CHIT1: variants seen among roughly 807,000 people sequenced by gnomAD.
The protein encoded by CHIT1 is chitinase 1.
Under a neutral mutation model 52.0 loss-of-function variants are expected in CHIT1, and 47 were observed. The observed-to-expected ratio is 0.90, with a 90% CI of 0.71 to 1.15. The LOEUF (loss-of-function observed/expected upper bound fraction) is 1.15, where lower values mean the gene tolerates loss of function less well. CHIT1 is among the 50% of genes most tolerant of loss of function. The pLI is 0.00. For synonymous variants in CHIT1, 242 were observed against 228.2 expected (o/e 1.06, Z -0.54); for missense variants, 569 against 583.0 (o/e 0.98, Z 0.25).
intron 2 of CHIT1, 89 bp downstream of exon 2, chr1:203,228,444 T>C: frequency 7.3e-7 from 1 of 1,363,594 alleles, no homozygotes; most frequent in Non-Finnish European, 1.0e-6. Context: ...AATCTGGAGC[T>C]CTTGGGGAGG....
intron 7 of CHIT1, among the ~76,000 whole-genome samples, chr1:203,220,623 C>A (rs376869229): frequency 1.6e-4 from 24 of 152,310 alleles, no homozygotes; most frequent in African/African-American, 5.5e-4. Context: ...TTCACTTTCC[C>A]CCAGAAGCTG....
At position 203,223,190 on chromosome 1, in the gene CHIT1, C is replaced by A. The variant is rs1442904242; in HGVS notation, c.550G>T (p.Val184Phe). 1.9e-6 allele frequency: 3 copies of A among 1,614,224 alleles called. No individual in the cohort carries two copies. The highest frequency in any genetic ancestry group is 1.3e-5 in the African/African-American group (1 of 75,062). ...GKERLLLSAA[V>F]PAGQTYVDAG... is the part of the protein sequence containing the mutation. ...TCCACATAGGTCTGCCCAGCTGGAA[C>A]CGCTGCACTCAGAAGAAGGCGTTCC... is the stretch of plus-strand genomic sequence containing the variant. Residue 184 changes from valine to phenylalanine, a missense_variant, in exon 6 of 11, where the codon GTT becomes TTT. Val to Phe is a conservative substitution (Grantham distance 50, BLOSUM62 -1). Coordinates refer to ENST00000367229, the MANE Select transcript of CHIT1 (RefSeq NM_003465.3).
At chr1:203,229,007 G>A (rs1036386754) in intron 1 of CHIT1, among the ~76,000 whole-genome samples, 4 of 152,188 alleles carry the variant, frequency 2.6e-5, no homozygotes, top group African/African-American at 4.8e-5. Context: ...TGCTCCCATC[G>A]TTTATGGCTT....
intron 8 of CHIT1, 25 bp from the exon 9 acceptor site, chr1:203,219,354 GGGA>G: frequency 3.9e-6 from 5 of 1,273,068 alleles, no homozygotes; most frequent in Non-Finnish European, 5.8e-6. Context: ...GGCAGCACTG[GGGA>G]GGAGGAGGGA....
intron 7 of CHIT1, among the ~76,000 whole-genome samples, chr1:203,220,132 C>T (rs1002608156): frequency 3.9e-5 from 6 of 152,180 alleles, no homozygotes; most frequent in South Asian, 2.1e-4. Context: ...GTGTGCCAGG[C>T]GCTGTCCATG....
rs1235576816 is a variant in CHIT1 at position 203,216,370 on chromosome 1, C to A, written c.*519G>T. The A allele has an allele frequency of 4.4e-6, 2 of 454,118 alleles. No homozygotes were observed. Among genetic ancestry groups the A allele is most frequent in the Non-Finnish European group, 8.8e-6 (2 of 226,818 alleles). 28.1% of individuals were successfully genotyped at this position (454,118 alleles called of 1,614,324 possible). A position where few individuals can be genotyped will look rare whatever the true frequency, so the allele number is the denominator to read the frequency against. ...AGAGCGCTTAAATCAGGGAAAAGTT[C>A]TTCTCTGCTGCCATCTAGTGGCATT... On this transcript the variant is annotated 3_prime_UTR_variant, in exon 11 of 11. Coordinates refer to ENST00000367229, the MANE Select transcript of CHIT1 (RefSeq NM_003465.3).
intron 9 of CHIT1, 91 bp downstream of exon 9, chr1:203,219,125 C>T: frequency 1.3e-6 from 1 of 789,694 alleles, no homozygotes; most frequent in Admixed American, 1.7e-5. Flanking sequence ...AAAGGAGACT[C>T]ACCCTTGAGG....
chr1:203,216,093 C>G lies in CHIT1; in HGVS notation c.*796G>C. 1 of 453,496 alleles carries G rather than the reference C, an allele frequency of 2.2e-6. No homozygotes were observed. The highest frequency in any genetic ancestry group is 4.4e-6 in the Non-Finnish European group (1 of 226,224). The allele number at this position is 453,496 out of a possible 1,614,324, so 28.1% of individuals were successfully genotyped here. ...AAAGCAGCCAGGAATGTTGGGATGA[C>G]TTTATTTAACCAGGACACCGTGTGC... On this transcript the variant is annotated 3_prime_UTR_variant, in exon 11 of 11. Transcript: ENST00000367229.
At chr1:203,223,084 G>A (rs754535566) in intron 6 of CHIT1, 51 bp downstream of exon 6, 2 of 1,611,228 alleles carry the variant, frequency 1.2e-6, no homozygotes, top group South Asian at 2.2e-5. Flanking sequence ...TCTGCCCTTG[G>A]CCTCTCTTCC....
upstream of CHIT1, chr1:203,229,766 G>GGT: frequency 9.9e-7 from 1 of 1,014,076 alleles, no homozygotes; most frequent in Non-Finnish European, 1.5e-6. Context: ...GGGGGGATGG[G>GGT]AGCAGGGTGG....
intron 4 of CHIT1, among the ~76,000 whole-genome samples, chr1:203,224,798 C>A (rs189039124): frequency 1.3e-5 from 2 of 152,306 alleles, no homozygotes; most frequent in African/African-American, 4.8e-5. Context: ...TCTGAGCCCT[C>A]TGCTGTGTTT....
intron 7 of CHIT1, among the ~76,000 whole-genome samples, chr1:203,221,652 TAA>T (rs1656739992): frequency 6.6e-6 from 1 of 151,964 alleles, no homozygotes; most frequent in South Asian, 2.1e-4. Context: ...TAAAAAAAAT[TAA>T]AAGTGTCTTG....
chr1:203,229,088 C>T (rs1001335585), intron 1 of CHIT1, among the ~76,000 whole-genome samples: 1 of 152,138 alleles, frequency 6.6e-6, no homozygotes, highest in African/African-American at 2.4e-5. Context: ...TGACAGGACT[C>T]CTTCGAAGAG....
At chr1:203,224,334 C>T (rs1656849354) in intron 4 of CHIT1, among the ~76,000 whole-genome samples, 1 of 152,098 alleles carries the variant, frequency 6.6e-6, no homozygotes, top group African/African-American at 2.4e-5. Context: ...CAGATTGATC[C>T]TATTTTATTT....
chr1:203,223,331 A>T (rs1053339558), intron 5 of CHIT1, 72 bp from the exon 6 acceptor site: 1 of 1,612,196 alleles, frequency 6.2e-7, no homozygotes, highest in Admixed American at 1.7e-5. Flanking sequence ...CCCCAGGTAG[A>T]TGTTCACTTG....
intron 7 of CHIT1, among the ~76,000 whole-genome samples, chr1:203,221,677 G>A (rs556892582): frequency 1.2e-4 from 19 of 152,126 alleles, no homozygotes; most frequent in Non-Finnish European, 1.9e-4. Flanking sequence ...TGCTCAATGA[G>A]GAAAAGTTAG....
At chr1:203,222,401 C>A (rs1003949146) in intron 6 of CHIT1, 76 bp from the exon 7 acceptor site, 5 of 1,606,178 alleles carry the variant, frequency 3.1e-6, no homozygotes, top group East Asian at 2.2e-5. Flanking sequence ...ACTCCTACCC[C>A]CTCAGTGCAT....
At chr1:203,224,936 TC>T in intron 4 of CHIT1, 111 bp downstream of exon 4, 1 of 991,316 alleles carries the variant, frequency 1.0e-6, no homozygotes, top group Non-Finnish European at 1.6e-6. Context: ...CCCTCCCCTT[TC>T]CCCTGACCAC....
chr1:203,225,877 C>T lies in CHIT1; in HGVS notation c.56-7G>A, dbSNP rs373953975. The T allele has an allele frequency of 2.3e-5, 37 of 1,613,952 alleles. No homozygotes were observed. The highest frequency in any genetic ancestry group is 1.3e-4 in the African/African-American group (10 of 74,872). On this transcript the variant is annotated splice_polypyrimidine_tract_variant and splice_region_variant and intron_variant, in intron 2 of 10. Transcript: ENST00000367229. ...ACCAGTTTTGCAGCAGAGCCTGGCC[C>T]GTTGGAGTAAAGAAAAGGGATAGCT...
Sources: allele counts gnomAD v4.1 joint callset (sites outside exome capture counted in the v4.1 genomes callset), GRCh38; gene constraint gnomAD v4.1.1; transcripts MANE v1.5; gene names NCBI Gene and HGNC (gene_info 2026-07-23, HGNC 2026-07-21).